HS3ST4: variants seen among roughly 807,000 people sequenced by gnomAD.
HS3ST4 encodes heparan sulfate glucosamine 3-O-sulfotransferase 4.
HS3ST4 carries 17 observed loss-of-function variants against 29.2 expected under a neutral mutation model. That is an observed-to-expected ratio of 0.58 (90% confidence interval 0.40 to 0.87). The LOEUF (loss-of-function observed/expected upper bound fraction) is 0.87. Among genes scored for constraint, HS3ST4 ranks in the 40% least tolerant of loss-of-function variants. HS3ST4 has a pLI of 0.00. For missense variants in HS3ST4, 627 were observed against 634.5 expected (o/e 0.99, Z 0.13); for synonymous variants, 314 against 285.7 (o/e 1.10, Z -1.00).
At chr16:25,938,141 G>A (rs1174998820) in intron 1 of HS3ST4, among the ~76,000 whole-genome samples, 3 of 152,228 alleles carry the variant, frequency 2.0e-5, no homozygotes, top group South Asian at 4.2e-4. Flanking sequence ...TCTCCCCAAA[G>A]TCAAGCATAG....
intron 1 of HS3ST4, among the ~76,000 whole-genome samples, chr16:25,872,960 C>T (rs944212278): frequency 1.3e-5 from 2 of 152,124 alleles, no homozygotes; most frequent in Admixed American, 6.6e-5. Flanking sequence ...TCATCTTTCT[C>T]ATGTAATCTC....
At chr16:26,093,105 G>A (rs1432228715) in intron 1 of HS3ST4, among the ~76,000 whole-genome samples, 1 of 152,156 alleles carries the variant, frequency 6.6e-6, no homozygotes, top group Non-Finnish European at 1.5e-5. Context: ...ACAGGGAGGA[G>A]CCCACCACAG....
chr16:25,746,167 T>G (rs1363495430), intron 1 of HS3ST4, among the ~76,000 whole-genome samples: 1 of 152,238 alleles, frequency 6.6e-6, no homozygotes, highest in Non-Finnish European at 1.5e-5. Flanking sequence ...TCCTTGCTCA[T>G]CATTGAATTC....
rs573872111 is a variant in HS3ST4 at position 26,123,370 on chromosome 16, C to T, written c.735-12242C>T. Reference sequence around the variant, plus strand: ...ACACACCTCTGTCAAGATGACGATGCACCTGGCCAGCTTCCAAAAGAGGCA... The same window carrying T: ...ACACACCTCTGTCAAGATGACGATGTACCTGGCCAGCTTCCAAAAGAGGCA... On this transcript the variant is annotated intron_variant, in intron 1 of 1. Coordinates refer to ENST00000331351, the MANE Select transcript of HS3ST4 (RefSeq NM_006040.3). Among the ~76,000 whole-genome samples the T allele has an allele frequency of 2.0e-5, 3 of 152,278 alleles. No homozygotes were observed. The South Asian group carries it at 6.2e-4, about 32-fold the overall frequency.
At chr16:25,907,949 T>A (rs1263409231) in intron 1 of HS3ST4, among the ~76,000 whole-genome samples, 1 of 152,232 alleles carries the variant, frequency 6.6e-6, no homozygotes, top group Non-Finnish European at 1.5e-5. Flanking sequence ...TTATTTTGTA[T>A]CAGCCTGTAT....
At chr16:26,042,822 G>C (rs1259595629) in intron 1 of HS3ST4, among the ~76,000 whole-genome samples, 1 of 152,114 alleles carries the variant, frequency 6.6e-6, no homozygotes, top group African/African-American at 2.4e-5. Flanking sequence ...TCTTGGGAAA[G>C]AGGAATGTTT....
chr16:25,811,128 A>G (rs1481192515), intron 1 of HS3ST4, among the ~76,000 whole-genome samples: 3 of 152,232 alleles, frequency 2.0e-5, no homozygotes, highest in African/African-American at 4.8e-5. Context: ...ACAAATGACT[A>G]CAGTTGGTCC....
chr16:25,778,063 A>AT (rs1443933624), intron 1 of HS3ST4, among the ~76,000 whole-genome samples: 1 of 151,854 alleles, frequency 6.6e-6, no homozygotes, highest in Non-Finnish European at 1.5e-5. Context: ...TGGGTGACTT[A>AT]TTTTTCAGTA....
chr16:26,110,314 CTGT>C (rs1401116844), intron 1 of HS3ST4, among the ~76,000 whole-genome samples: 1 of 151,984 alleles, frequency 6.6e-6, no homozygotes, highest in Non-Finnish European at 1.5e-5. Context: ...ATATGTTCAC[CTGT>C]TGATGGACAC....
chr16:25,901,087 G>C (rs1968116169), intron 1 of HS3ST4, among the ~76,000 whole-genome samples: 1 of 152,084 alleles, frequency 6.6e-6, no homozygotes, highest in Admixed American at 6.5e-5. Flanking sequence ...TGGCTTCCCT[G>C]AGCTCATATG....
At chr16:25,941,970 G>A (rs890096906) in intron 1 of HS3ST4, among the ~76,000 whole-genome samples, 8 of 152,168 alleles carry the variant, frequency 5.3e-5, no homozygotes, top group Admixed American at 3.9e-4. Context: ...CAGTTATGAC[G>A]CATGATAGGG....
chr16:25,943,326 G>T (rs893889090), intron 1 of HS3ST4, among the ~76,000 whole-genome samples: 2 of 152,130 alleles, frequency 1.3e-5, no homozygotes, highest in African/African-American at 4.8e-5. Flanking sequence ...GAATACTCTG[G>T]AGCAACATGA....
chr16:26,042,542 G>A (rs1361589630), intron 1 of HS3ST4, among the ~76,000 whole-genome samples: 1 of 152,198 alleles, frequency 6.6e-6, no homozygotes, highest in Non-Finnish European at 1.5e-5. Context: ...ATGGCGTGGC[G>A]ATTACCCGGG....
intron 1 of HS3ST4, among the ~76,000 whole-genome samples, chr16:25,865,886 G>A (rs1967689187): frequency 6.6e-6 from 1 of 151,952 alleles, no homozygotes; most frequent in Admixed American, 6.6e-5. Context: ...AAAAACAGAA[G>A]AAAAGTTTCT....
chr16:25,907,924 T>C (rs769512430), intron 1 of HS3ST4, among the ~76,000 whole-genome samples: 2 of 152,228 alleles, frequency 1.3e-5, no homozygotes, highest in Non-Finnish European at 2.9e-5. Context: ...TATTTTTATT[T>C]CTCTCTTTAT....
In HS3ST4 at chr16:26,137,656, C is replaced by A. The variant is rs1191155737; in HGVS notation, c.*1408C>A. ...GTCATTTCTCCCGCTAAATGAAAAC[C>A]GTGTTGTTATAAAGCTTAATGCAAC... On this transcript the variant is annotated 3_prime_UTR_variant, in exon 2 of 2. Transcript: ENST00000331351. The A allele has an allele frequency of 2.0e-5, 3 of 152,114 alleles. No homozygotes were observed. The highest frequency in any genetic ancestry group is 7.2e-5 in the African/African-American group (3 of 41,410). The allele number at this position is 152,114 out of a possible 1,614,324, so 9.4% of individuals were successfully genotyped here. A position where few individuals can be genotyped will look rare whatever the true frequency, so the allele number is the denominator to read the frequency against.
intron 1 of HS3ST4, among the ~76,000 whole-genome samples, chr16:26,025,917 A>G (rs1053377941): frequency 6.6e-6 from 1 of 152,176 alleles, no homozygotes; most frequent in Non-Finnish European, 1.5e-5. Flanking sequence ...CTGGGACTAC[A>G]TGCACGTGCC....
chr16:26,055,841 G>A (rs967191592), intron 1 of HS3ST4, among the ~76,000 whole-genome samples: 5 of 152,054 alleles, frequency 3.3e-5, no homozygotes, highest in African/African-American at 4.8e-5. Context: ...CATGCTAACC[G>A]TCTGATGGAT....
At chr16:26,083,077 A>G (rs948831387) in intron 1 of HS3ST4, among the ~76,000 whole-genome samples, 5 of 152,214 alleles carry the variant, frequency 3.3e-5, no homozygotes, top group African/African-American at 1.2e-4. Flanking sequence ...CATGTCATAG[A>G]TTCAGTGATG....
Sources: gnomAD v4.1 joint callset for allele counts (sites outside exome capture counted in the v4.1 genomes callset) on GRCh38, gnomAD v4.1.1 for gene constraint, MANE v1.5 for transcripts, NCBI Gene and HGNC (gene_info 2026-07-23, HGNC 2026-07-21) for gene names.